Variants in NEK10 observed in about 807,000 individuals in gnomAD.
NEK10 encodes serine/threonine-protein kinase Nek10.
A neutral mutation model predicts 159.8 loss-of-function variants in NEK10; 122 were observed. The ratio of observed to expected loss-of-function variants is 0.76; its 90% confidence interval spans 0.66 to 0.89. The LOEUF is 0.89. Among genes scored for constraint, NEK10 ranks in the 40% least tolerant of loss-of-function variants. The pLI, the probability that NEK10 is intolerant of heterozygous loss-of-function variation, is 0.00. For synonymous variants in NEK10, 466 were observed against 457.1 expected (o/e 1.02, Z -0.25); for missense variants, 1,342 against 1,323.1 (o/e 1.01, Z -0.22).
chr3:27,307,636 C>T lies in NEK10; in HGVS notation c.803+223G>A, dbSNP rs182267942. Among the ~76,000 whole-genome samples, 4 of 152,266 alleles carry T rather than the reference C, an allele frequency of 2.6e-5. No individual in the cohort carries two copies. In the East Asian group the frequency reaches 5.8e-4, roughly 22 times the overall value. ...AAAATGATATCACAAAAATTTATTT[C>T]ATCAGCTTCTATGCCCAGATCTAGA... On this transcript the variant is annotated intron_variant, in intron 11 of 35. Transcript: ENST00000691995.
intron 5 of NEK10, among the ~76,000 whole-genome samples, chr3:27,331,628 G>A (rs1341299926): frequency 6.6e-6 from 1 of 152,170 alleles, no homozygotes; most frequent in African/African-American, 2.4e-5. Context: ...GAAAGGAAAA[G>A]AGTCACTTGC....
rs570761873 is a variant in NEK10, at chr3:27,218,856, A to G, written c.2091-16299T>C. On this transcript the variant is annotated intron_variant, in intron 23 of 35. Transcript: ENST00000691995. ...GAACAGAAAGAAACATCCTCAGCCC[A>G]ATGAAAGACATCTGCACAATTCTCA... 1.3e-3 allele frequency among the ~76,000 whole-genome samples: 200 copies of G among 152,200 alleles called. 1 individual carries two copies. In the Middle Eastern group the frequency reaches 0.027, roughly 21 times the overall value.
intron 6 of NEK10, among the ~76,000 whole-genome samples, chr3:27,318,327 G>C (rs951592568): frequency 1.3e-5 from 2 of 152,160 alleles, no homozygotes; most frequent in African/African-American, 4.8e-5. Context: ...AAAAGTTCAA[G>C]GATGAGGGGA....
chr3:27,221,670 T>A (rs187081760), intron 23 of NEK10, among the ~76,000 whole-genome samples: 1 of 152,220 alleles, frequency 6.6e-6, no homozygotes, highest in African/African-American at 2.4e-5. Flanking sequence ...GCAGACCTCA[T>A]TGGGGGAAAC....
chr3:27,291,144 T>C (rs2042964539), intron 18 of NEK10, 118 bp downstream of exon 18: 2 of 948,002 alleles, frequency 2.1e-6, no homozygotes, highest in East Asian at 2.6e-5. Context: ...ATTCTAATTT[T>C]CATATCTGTT....
chr3:27,291,425 G>C (rs753182298), intron 17 of NEK10, 35 bp from the exon 18 acceptor site: 1 of 1,607,174 alleles, frequency 6.2e-7, no homozygotes, highest in Non-Finnish European at 8.5e-7. Flanking sequence ...GGGTTTCTGT[G>C]ATAAATTACA....
chr3:27,281,431 C>A (rs928692441), intron 22 of NEK10, among the ~76,000 whole-genome samples: 1 of 151,862 alleles, frequency 6.6e-6, no homozygotes, highest in Non-Finnish European at 1.5e-5. Context: ...TGATAAAATA[C>A]CTCATGTATC....
At chr3:27,268,998 G>T (rs550702386) in intron 22 of NEK10, among the ~76,000 whole-genome samples, 3 of 152,200 alleles carry the variant, frequency 2.0e-5, no homozygotes, top group Non-Finnish European at 2.9e-5. Context: ...CAAGATTTCA[G>T]TGAAGAAACT....
At chr3:27,335,040 A>T (rs553760500) in intron 5 of NEK10, among the ~76,000 whole-genome samples, 1 of 152,218 alleles carries the variant, frequency 6.6e-6, no homozygotes, top group South Asian at 2.1e-4. Flanking sequence ...TAGATATCTT[A>T]AAAAAAGAAC....
intron 24 of NEK10, 37 bp from the exon 25 acceptor site, chr3:27,201,617 G>T: frequency 6.6e-7 from 1 of 1,515,152 alleles, no homozygotes; most frequent in Admixed American, 1.7e-5. Context: ...GGAAGTAAAG[G>T]GGCCACGGAT....
intron 29 of NEK10, among the ~76,000 whole-genome samples, chr3:27,166,796 C>A (rs191721212): frequency 0.011 from 1,741 of 152,156 alleles, 10 homozygotes; most frequent in South Asian, 0.02. Flanking sequence ...CCCATCTCTA[C>A]TAAAAATACA....
At chr3:27,126,866 C>A (rs1006250200) in intron 32 of NEK10, among the ~76,000 whole-genome samples, 1 of 152,058 alleles carries the variant, frequency 6.6e-6, no homozygotes, top group African/African-American at 2.4e-5. Context: ...CCGGAGGACG[C>A]AACCCCAGTC....
chr3:27,129,239 A>G (rs1942332004), intron 32 of NEK10, among the ~76,000 whole-genome samples: 1 of 152,172 alleles, frequency 6.6e-6, no homozygotes, highest in Non-Finnish European at 1.5e-5. Context: ...GCACTTTTTG[A>G]ATCTTCTGTA....
chr3:27,256,282 A>G lies in NEK10; in HGVS notation c.2090+14T>C. 1 of 1,342,394 alleles carries G rather than the reference A, an allele frequency of 7.4e-7. No individual in the cohort carries two copies. The highest frequency in any genetic ancestry group is 1.0e-6 in the Non-Finnish European group (1 of 988,766). 83.2% of individuals were successfully genotyped at this position (1,342,394 alleles called of 1,614,324 possible). On this transcript the variant is annotated intron_variant, in intron 23 of 35. Transcript: ENST00000691995. Reference sequence around the variant, plus strand: ...AAGTATGATGTTTGAGAGCCATAAAAGAATTGTCCTTACCAAGAATACAGG... The same window carrying G: ...AAGTATGATGTTTGAGAGCCATAAAGGAATTGTCCTTACCAAGAATACAGG...
intron 35 of NEK10, among the ~76,000 whole-genome samples, chr3:27,112,808 C>T (rs1370661995): frequency 1.3e-5 from 2 of 152,128 alleles, no homozygotes; most frequent in Non-Finnish European, 1.5e-5. Context: ...GATAATATTG[C>T]CCATTCTATG....
intron 5 of NEK10, among the ~76,000 whole-genome samples, chr3:27,330,548 G>T (rs895480746): frequency 1.3e-5 from 2 of 152,126 alleles, no homozygotes. Flanking sequence ...TGTTTCTAAG[G>T]GTGGTATAAA....
At chr3:27,144,576 C>A (rs573594576) in intron 30 of NEK10, among the ~76,000 whole-genome samples, 14 of 152,312 alleles carry the variant, frequency 9.2e-5, no homozygotes, top group Admixed American at 9.2e-4. Flanking sequence ...AACTTTTCCA[C>A]TGTGCCAATC....
At chr3:27,130,316 C>T (rs887734804) in intron 32 of NEK10, among the ~76,000 whole-genome samples, 1 of 152,136 alleles carries the variant, frequency 6.6e-6, no homozygotes, top group Non-Finnish European at 1.5e-5. Flanking sequence ...ACCACCCTAC[C>T]AATTCCTGTT....
intron 1 of NEK10, among the ~76,000 whole-genome samples, chr3:27,366,381 C>T (rs758194070): frequency 6.6e-6 from 1 of 152,190 alleles, no homozygotes; most frequent in Non-Finnish European, 1.5e-5. Context: ...TTGTTCACTG[C>T]TGAAGGCCCA....
Sources: allele counts gnomAD v4.1 joint callset (sites outside exome capture counted in the v4.1 genomes callset), GRCh38; gene constraint gnomAD v4.1.1; transcripts MANE v1.5; gene names NCBI Gene and HGNC (gene_info 2026-07-23, HGNC 2026-07-21).